MAGI2: variants seen among roughly 807,000 people sequenced by gnomAD.
The protein encoded by MAGI2 is membrane-associated guanylate kinase, WW and PDZ domain-containing protein 2.
In MAGI2, 35 loss-of-function variants were observed where a neutral mutation model predicts 133.3. The ratio of observed to expected loss-of-function variants is 0.26; its 90% CI spans 0.20 to 0.35. MAGI2 has a LOEUF of 0.35. Ranked by LOEUF, MAGI2 falls within the 10% of genes least tolerant of loss-of-function variation. The pLI is 1.00. For missense variants in MAGI2, 1,636 were observed against 1,863.4 expected, an observed-to-expected ratio of 0.88 and a Z score of 2.25; for synonymous variants, 729 against 710.6, an observed-to-expected ratio of 1.03 and a Z score of -0.41.
chr7:79,268,680 T>TTCAG (rs1380907850), intron 1 of MAGI2, among the ~76,000 whole-genome samples: 5 of 152,196 alleles, frequency 3.3e-5, no homozygotes, highest in African/African-American at 1.2e-4. Flanking sequence ...TCCCTTTAAT[T>TTCAG]TCAGTGGATC....
At chr7:78,286,369 G>A (rs1027523460) in intron 9 of MAGI2, among the ~76,000 whole-genome samples, 6 of 152,066 alleles carry the variant, frequency 3.9e-5, no homozygotes, top group East Asian at 1.9e-4. Flanking sequence ...ATACAAAGGA[G>A]TAGTGTTATA....
chr7:78,495,169 T>G (rs57416521), intron 5 of MAGI2, among the ~76,000 whole-genome samples: 2,884 of 152,226 alleles, frequency 0.019, 87 homozygotes, highest in African/African-American at 0.066. Flanking sequence ...ACGTGCAGGT[T>G]TGTTGCATAG....
intron 2 of MAGI2, among the ~76,000 whole-genome samples, chr7:78,653,866 T>C (rs1811854028): frequency 6.6e-6 from 1 of 152,154 alleles, no homozygotes; most frequent in Admixed American, 6.5e-5. Flanking sequence ...ATTAGACTTT[T>C]AGTACTCTGA....
At chr7:78,555,965 T>G (rs1187236349) in intron 3 of MAGI2, among the ~76,000 whole-genome samples, 1 of 152,144 alleles carries the variant, frequency 6.6e-6, no homozygotes, top group East Asian at 1.9e-4. Flanking sequence ...AGTATTGCAA[T>G]AAAAATCAGT....
intron 6 of MAGI2, among the ~76,000 whole-genome samples, chr7:78,423,066 T>A (rs1377425138): frequency 1.3e-5 from 2 of 152,210 alleles, no homozygotes; most frequent in African/African-American, 4.8e-5. Context: ...CAGAATGGAA[T>A]TTCAGAAAAT....
Position 78,458,108 on chromosome 7 carries a change from C to T in MAGI2, c.1045+31653G>A, listed in dbSNP as rs575819171. 9.2e-5 allele frequency among the ~76,000 whole-genome samples: 14 copies of T among 151,846 alleles called. No homozygotes were observed. The East Asian group carries it at 2.3e-3, about 25-fold the overall frequency. Reference sequence around the variant, plus strand: ...GTCAGGAGATCGATACCATCCTGGCCAACATGGTGAAACACCGTCTCTACT... The same window carrying T: ...GTCAGGAGATCGATACCATCCTGGCTAACATGGTGAAACACCGTCTCTACT... On this transcript the variant is annotated intron_variant, in intron 6 of 21. Coordinates refer to ENST00000354212, the MANE Select transcript of MAGI2 (RefSeq NM_012301.4).
intron 3 of MAGI2, among the ~76,000 whole-genome samples, chr7:78,534,801 G>T (rs1194476986): frequency 6.6e-6 from 1 of 152,054 alleles, no homozygotes; most frequent in Non-Finnish European, 1.5e-5. Flanking sequence ...TGAAGGAAAG[G>T]CTCCTCCATA....
At chr7:78,258,013 T>G (rs1314281814) in intron 9 of MAGI2, among the ~76,000 whole-genome samples, 1 of 152,180 alleles carries the variant, frequency 6.6e-6, no homozygotes. Flanking sequence ...ATAAAACAAT[T>G]AACAGCATTG....
intron 3 of MAGI2, 26 bp from the exon 4 acceptor site, chr7:78,521,671 G>C: frequency 6.3e-7 from 1 of 1,585,496 alleles, no homozygotes. Context: ...AAACATTCTT[G>C]GAGTTAAATA....
chr7:78,547,344 A>G (rs1798930245), intron 3 of MAGI2, among the ~76,000 whole-genome samples: 1 of 152,256 alleles, frequency 6.6e-6, no homozygotes, highest in Non-Finnish European at 1.5e-5. Flanking sequence ...TTTACAAGCA[A>G]CAACTGTAAA....
rs375378388 is a variant in MAGI2 at position 78,912,489 on chromosome 7, A to C, written c.418+94601T>G. On this transcript the variant is annotated intron_variant, in intron 2 of 21. Transcript: ENST00000354212. ...ACCCACCCTTAATCTGGGTGGGCACAATCTAATCAGCTGCCAGTAAATATA... is the reference window on the plus strand; with the variant it reads ...ACCCACCCTTAATCTGGGTGGGCACCATCTAATCAGCTGCCAGTAAATATA... Among the ~76,000 whole-genome samples the C allele has an allele frequency of 7.2e-4, 110 of 152,128 alleles. 3 individuals are homozygous for C. In the South Asian group the frequency reaches 0.021, roughly 29 times the overall value.
intron 2 of MAGI2, among the ~76,000 whole-genome samples, chr7:78,671,041 C>T (rs1814319776): frequency 1.3e-5 from 2 of 152,132 alleles, no homozygotes; most frequent in South Asian, 4.1e-4. Flanking sequence ...CCTAATTCCA[C>T]ATAGTGGCCA....
intron 2 of MAGI2, among the ~76,000 whole-genome samples, chr7:78,915,731 TAAG>T (rs1322571623): frequency 2.6e-5 from 4 of 151,978 alleles, no homozygotes; most frequent in African/African-American, 7.3e-5. Context: ...TTTCTTTTTT[TAAG>T]AAGAAGAGTA....
chr7:78,990,240 AGT>A (rs1345256483), intron 2 of MAGI2, among the ~76,000 whole-genome samples: 1 of 152,126 alleles, frequency 6.6e-6, no homozygotes, highest in Non-Finnish European at 1.5e-5. Flanking sequence ...ATTAGAAAAT[AGT>A]ACAGTTGTGA....
At chr7:79,351,554 C>T (rs1264720083) in intron 1 of MAGI2, among the ~76,000 whole-genome samples, 2 of 152,080 alleles carry the variant, frequency 1.3e-5, no homozygotes, top group African/African-American at 4.8e-5. Context: ...ATAACTACTA[C>T]AGATGAATTA....
At chr7:78,984,244 A>T (rs1192150616) in intron 2 of MAGI2, among the ~76,000 whole-genome samples, 1 of 151,904 alleles carries the variant, frequency 6.6e-6, no homozygotes, top group Non-Finnish European at 1.5e-5. Context: ...TTCCTAATCT[A>T]ACTGGTCTCC....
rs192400943 is a variant in MAGI2 at position 78,689,957 on chromosome 7, T to C, written c.419-62718A>G. ...CAATTTTAACTACATGTTTATCTTT[T>C]TAATAATTGAAAAGCCATGAATGTG... On this transcript the variant is annotated intron_variant, in intron 2 of 21. Coordinates refer to ENST00000354212, the MANE Select transcript of MAGI2 (RefSeq NM_012301.4). 3.7e-4 allele frequency among the ~76,000 whole-genome samples: 57 copies of C among 152,252 alleles called. No individual in the cohort carries two copies. In the East Asian group the frequency reaches 0.01, roughly 27 times the overall value.
At chr7:78,640,124 C>T (rs992190686) in intron 2 of MAGI2, among the ~76,000 whole-genome samples, 1 of 152,076 alleles carries the variant, frequency 6.6e-6, no homozygotes, top group African/African-American at 2.4e-5. Flanking sequence ...ATCCCCAGAA[C>T]ACTGTGGTTT....
intron 2 of MAGI2, among the ~76,000 whole-genome samples, chr7:78,943,179 A>T (rs1801128178): frequency 6.6e-6 from 1 of 152,100 alleles, no homozygotes; most frequent in East Asian, 1.9e-4. Flanking sequence ...CATCTTGCAA[A>T]CAGTAAAGTA....
Sources: allele counts gnomAD v4.1 joint callset (sites outside exome capture counted in the v4.1 genomes callset), GRCh38; gene constraint gnomAD v4.1.1; transcripts MANE v1.5; gene names NCBI Gene and HGNC (gene_info 2026-07-23, HGNC 2026-07-21).